CCDC178: variants seen among roughly 807,000 people sequenced by gnomAD.
The protein encoded by CCDC178 is coiled-coil domain containing 178.
CCDC178 carries 126 observed loss-of-function variants against 117.4 expected under a neutral mutation model. The ratio of observed to expected loss-of-function variants is 1.07; its 90% CI spans 0.93 to 1.24. The LOEUF (loss-of-function observed/expected upper bound fraction) is 1.24, where lower values mean the gene tolerates loss of function less well. Ranked by LOEUF, CCDC178 falls within the 50% of genes most tolerant of loss-of-function variation. The pLI, the probability that CCDC178 is intolerant of heterozygous loss-of-function variation, is 0.00. For synonymous variants in CCDC178, 283 were observed against 313.4 expected, an observed-to-expected ratio of 0.90 and a Z score of 1.02; for missense variants, 1,030 against 986.9, an observed-to-expected ratio of 1.04 and a Z score of -0.59.
At chr18:33,366,357 G>C (rs1236599118) in intron 6 of CCDC178, among the ~76,000 whole-genome samples, 2 of 151,766 alleles carry the variant, frequency 1.3e-5, no homozygotes, top group Non-Finnish European at 2.9e-5. Flanking sequence ...CTTGTTGCTG[G>C]GCCCTTCATT....
At chr18:33,022,121 C>A (rs1373062659) in intron 21 of CCDC178, among the ~76,000 whole-genome samples, 1 of 152,068 alleles carries the variant, frequency 6.6e-6, no homozygotes, top group Non-Finnish European at 1.5e-5. Flanking sequence ...TTCTAGTATT[C>A]TCATAAAGGA....
chr18:33,423,714 T>C (rs1187138800), intron 2 of CCDC178, among the ~76,000 whole-genome samples: 1 of 152,168 alleles, frequency 6.6e-6, no homozygotes, highest in Non-Finnish European at 1.5e-5. Flanking sequence ...TCCCACTTTA[T>C]TCCATGTTTT....
chr18:33,124,132 ACACTT>A (rs2057972756), intron 20 of CCDC178, among the ~76,000 whole-genome samples: 1 of 152,206 alleles, frequency 6.6e-6, no homozygotes, highest in Admixed American at 6.5e-5. Context: ...GGAACAGACT[ACACTT>A]CACTGCCCAT....
rs1463010708 is a variant in CCDC178, at chr18:33,281,117, A to AATAATAATAATAATAATAAT, written c.1176+12041_1176+12042insATTATTATTATTATTATTAT. 4.2e-3 allele frequency among the ~76,000 whole-genome samples: 523 copies of AATAATAATAATAATAATAAT among 124,932 alleles called. 2 individuals carry two copies. Among genetic ancestry groups the AATAATAATAATAATAATAAT allele is most frequent in the African/African-American group, 0.011 (406 of 35,532 alleles). The allele number at this position is 124,932 out of a possible 152,430, so 82.0% of individuals were successfully genotyped here. A position where few individuals can be genotyped will look rare whatever the true frequency, so the allele number is the denominator to read the frequency against. On this transcript the variant is annotated intron_variant, in intron 12 of 22. Transcript: ENST00000383096. The stretch of plus-strand genomic sequence containing the variant: ...TAAAGTATAATAATAATAATAATAA[A>AATAATAATAATAATAATAAT]GAAACACACACACAAAAAATAAATA...
chr18:33,298,520 TATC>T (rs1347668377), intron 11 of CCDC178, among the ~76,000 whole-genome samples: 1 of 152,140 alleles, frequency 6.6e-6, no homozygotes, highest in Non-Finnish European at 1.5e-5. Flanking sequence ...CCATAGCCAA[TATC>T]ATACTGAAGA....
intron 22 of CCDC178, among the ~76,000 whole-genome samples, chr18:32,964,949 C>A (rs1568185353): frequency 6.6e-6 from 1 of 151,846 alleles, no homozygotes; most frequent in Non-Finnish European, 1.5e-5. Context: ...CAGAGCGGGA[C>A]TGTATCTTTA....
intron 15 of CCDC178, among the ~76,000 whole-genome samples, chr18:33,237,891 C>T (rs2059444562): frequency 6.6e-6 from 1 of 152,202 alleles, no homozygotes; most frequent in African/African-American, 2.4e-5. Flanking sequence ...TGGCCTCAAC[C>T]CCAGTGAGCC....
At position 33,015,534 on chromosome 18, in the gene CCDC178, T is replaced by C. The variant is rs116918276; in HGVS notation, c.2389-40853A>G. ...GAGCCGAGATCGCACCACTGCACTC[T>C]AGCCTGAGAGACAGTGCGAGACTCC... is the stretch of plus-strand genomic sequence containing the variant. On this transcript the variant is annotated intron_variant, in intron 21 of 22. Coordinates refer to ENST00000383096, the MANE Select transcript of CCDC178 (RefSeq NM_001105528.4). Among the ~76,000 whole-genome samples, 1,209 of 151,770 alleles carry C rather than the reference T, an allele frequency of 8.0e-3. 10 individuals carry two copies. The highest frequency in any genetic ancestry group is 9.7e-3 in the Non-Finnish European group (658 of 67,934).
chr18:33,396,070 A>G (rs943442153), intron 4 of CCDC178, among the ~76,000 whole-genome samples: 1 of 152,248 alleles, frequency 6.6e-6, no homozygotes, highest in African/African-American at 2.4e-5. Flanking sequence ...TAGAACTAGT[A>G]TTCATATTAC....
chr18:33,238,452 T>C (rs2059451162), intron 15 of CCDC178, among the ~76,000 whole-genome samples: 1 of 151,822 alleles, frequency 6.6e-6, no homozygotes, highest in Non-Finnish European at 1.5e-5. Flanking sequence ...GATATAGATA[T>C]TATTAAAAAA....
intron 21 of CCDC178, among the ~76,000 whole-genome samples, chr18:32,993,642 T>G (rs2055440729): frequency 6.6e-6 from 1 of 152,182 alleles, no homozygotes; most frequent in Non-Finnish European, 1.5e-5. Context: ...TGTGATCTTT[T>G]ATCATGCACA....
Position 33,314,200 on chromosome 18 carries a change from C to CAAAAAAAA in CCDC178, c.1022+9283_1022+9290dup, listed in dbSNP as rs869127341. On this transcript the variant is annotated intron_variant, in intron 11 of 22. Coordinates refer to ENST00000383096, the MANE Select transcript of CCDC178 (RefSeq NM_001105528.4). ...TGGGTGACAGAGCGAGACTCCGTCTCAAAAAAAAAAAAAAAAAAAAAAAAA... is the reference window on the plus strand; with the variant it reads ...TGGGTGACAGAGCGAGACTCCGTCTCAAAAAAAAAAAAAAAAAAAAAAAAAAAAAAAAA... 9.9e-4 allele frequency among the ~76,000 whole-genome samples: 62 copies of CAAAAAAAA among 62,434 alleles called. 2 individuals are homozygous for CAAAAAAAA. Among genetic ancestry groups the CAAAAAAAA allele is most frequent in the East Asian group, 1.8e-3 (4 of 2,246 alleles). The allele number at this position is 62,434 out of a possible 152,430, so 41.0% of individuals were successfully genotyped here.
intron 20 of CCDC178, among the ~76,000 whole-genome samples, chr18:33,175,607 T>C (rs2058656099): frequency 6.6e-6 from 1 of 152,212 alleles, no homozygotes; most frequent in South Asian, 2.1e-4. Context: ...TGTTGGTTTC[T>C]ATCTGAAACA....
At chr18:33,238,336 G>T (rs2059449648) in intron 15 of CCDC178, among the ~76,000 whole-genome samples, 1 of 151,846 alleles carries the variant, frequency 6.6e-6, no homozygotes, top group African/African-American at 2.4e-5. Flanking sequence ...GCCAGAAAAA[G>T]AATTCAAAAT....
chr18:33,213,781 T>C lies in CCDC178; in HGVS notation c.2079-1726A>G, dbSNP rs186228083. ...CCACTTTCTAGTTAAGAAGCAATTA[T>C]AAAAATTAAATGAGGGTCAAGGATG... On this transcript the variant is annotated intron_variant, in intron 19 of 22. Transcript: ENST00000383096. Among the ~76,000 whole-genome samples the C allele has an allele frequency of 4.9e-4, 75 of 152,144 alleles. 1 individual carries two copies. In the South Asian group the frequency reaches 5.4e-3, roughly 11 times the overall value.
At chr18:33,110,221 T>C (rs185074088) in intron 20 of CCDC178, among the ~76,000 whole-genome samples, 1 of 151,752 alleles carries the variant, frequency 6.6e-6, no homozygotes, top group East Asian at 1.9e-4. Context: ...TTCCAGTCTT[T>C]GTCACTTTTT....
At chr18:32,995,936 T>TATCTATATCTATATCTA (rs1435694958) in intron 21 of CCDC178, among the ~76,000 whole-genome samples, 2 of 151,618 alleles carry the variant, frequency 1.3e-5, no homozygotes, top group Non-Finnish European at 2.9e-5. Flanking sequence ...TCTATATCTA[T>TATCTATATCTATATCTA]ATCTATATCT....
Position 33,269,509 on chromosome 18 carries a change from G to A in CCDC178, c.1177-2212C>T, listed in dbSNP as rs918110275. On this transcript the variant is annotated intron_variant, in intron 12 of 22. Coordinates refer to ENST00000383096, the MANE Select transcript of CCDC178 (RefSeq NM_001105528.4). ...CAACAATAACAAAAACTACGGCAAC[G>A]TTGGCAACTGCCTGGTTGTTTATTA... Among the ~76,000 whole-genome samples the A allele has an allele frequency of 6.6e-5, 10 of 151,896 alleles. No individual in the cohort carries two copies. In the Middle Eastern group the frequency reaches 0.01, roughly 155 times the overall value.
At chr18:33,067,894 G>T (rs1208116614) in intron 21 of CCDC178, among the ~76,000 whole-genome samples, 2 of 151,724 alleles carry the variant, frequency 1.3e-5, no homozygotes, top group Non-Finnish European at 2.9e-5. Context: ...AAATTAAAAA[G>T]CCGGTGTTTG....
Sources: gnomAD v4.1 joint callset for allele counts (sites outside exome capture counted in the v4.1 genomes callset) on GRCh38, gnomAD v4.1.1 for gene constraint, MANE v1.5 for transcripts, NCBI Gene and HGNC (gene_info 2026-07-23, HGNC 2026-07-21) for gene names.